CRIM1: variants seen among roughly 807,000 people sequenced by gnomAD.
The protein encoded by CRIM1 is cysteine rich transmembrane BMP regulator 1.
In CRIM1, 32 loss-of-function variants were observed where a neutral mutation model predicts 116.4. The observed-to-expected ratio is 0.27, with a 90% confidence interval of 0.21 to 0.37. The LOEUF (loss-of-function observed/expected upper bound fraction) is 0.37, where lower values mean the gene tolerates loss of function less well. Among genes scored for constraint, CRIM1 ranks in the 10% least tolerant of loss-of-function variants. CRIM1 has a pLI of 1.00. For synonymous variants in CRIM1, 590 were observed against 509.2 expected, an observed-to-expected ratio of 1.16 and a Z score of -2.13; for missense variants, 1,331 against 1,354.8, an observed-to-expected ratio of 0.98 and a Z score of 0.28.
intron 7 of CRIM1, among the ~76,000 whole-genome samples, chr2:36,488,148 AGT>A (rs1372486428): frequency 6.6e-6 from 1 of 152,216 alleles, no homozygotes. Context: ...AAATCCAGTG[AGT>A]CACTGTTAAA....
At chr2:36,497,851 A>G (rs910843789) in intron 7 of CRIM1, among the ~76,000 whole-genome samples, 1 of 152,200 alleles carries the variant, frequency 6.6e-6, no homozygotes, top group African/African-American at 2.4e-5. Flanking sequence ...CAGCAGTGGC[A>G]GCTAAAACAC....
chr2:36,406,233 G>A (rs931387479), intron 2 of CRIM1, among the ~76,000 whole-genome samples: 22 of 152,134 alleles, frequency 1.4e-4, no homozygotes, highest in Admixed American at 9.2e-4. Flanking sequence ...TAAGACAGTC[G>A]TTACAAATTA....
chr2:36,545,270 G>C (rs946751638), intron 15 of CRIM1, among the ~76,000 whole-genome samples: 5 of 152,158 alleles, frequency 3.3e-5, no homozygotes, highest in Non-Finnish European at 7.3e-5. Flanking sequence ...CGTTATGCTT[G>C]GATCAAACCA....
chr2:36,472,664 A>T (rs1678623981), intron 5 of CRIM1, among the ~76,000 whole-genome samples: 2 of 152,138 alleles, frequency 1.3e-5, no homozygotes, highest in Admixed American at 1.3e-4. Flanking sequence ...CTTCACCCAG[A>T]TGGTAGCTGT....
rs566460694 is a variant in CRIM1 at position 36,548,858 on chromosome 2, A to G, written c.*157A>G. 178 of 510,398 alleles carry G rather than the reference A, an allele frequency of 3.5e-4. 1 individual carries two copies. In the East Asian group the frequency reaches 5.3e-3, roughly 15 times the overall value. 31.6% of individuals were successfully genotyped at this position (510,398 alleles called of 1,614,324 possible). On this transcript the variant is annotated 3_prime_UTR_variant, in exon 17 of 17. Coordinates refer to ENST00000280527, the MANE Select transcript of CRIM1 (RefSeq NM_016441.3). ...ACTGGGATGGGCTCTGTCTACAGCA[A>G]TGTGCAGAACAAGCATTCCCACTTT...
intron 7 of CRIM1, among the ~76,000 whole-genome samples, chr2:36,490,813 A>G (rs1324761774): frequency 2.0e-5 from 3 of 152,102 alleles, no homozygotes; most frequent in African/African-American, 7.2e-5. Context: ...ATATCCATCC[A>G]AATTCTAGGC....
At chr2:36,535,898 A>G (rs548547441) in intron 13 of CRIM1, among the ~76,000 whole-genome samples, 2 of 152,230 alleles carry the variant, frequency 1.3e-5, no homozygotes, top group Non-Finnish European at 2.9e-5. Context: ...AGATGGCCTA[A>G]AGTATACAGG....
chr2:36,388,142 G>A (rs1388449576), intron 1 of CRIM1, among the ~76,000 whole-genome samples: 1 of 152,034 alleles, frequency 6.6e-6, no homozygotes, highest in African/African-American at 2.4e-5. Flanking sequence ...AATATATACA[G>A]AAGTAGAGAC....
chr2:36,514,559 TA>T (rs1664910469), intron 11 of CRIM1, among the ~76,000 whole-genome samples: 1 of 152,190 alleles, frequency 6.6e-6, no homozygotes, highest in Non-Finnish European at 1.5e-5. Flanking sequence ...AGTAAAATAG[TA>T]TGTCCACCAA....
intron 2 of CRIM1, among the ~76,000 whole-genome samples, chr2:36,426,079 G>A (rs1040658761): frequency 4.6e-5 from 7 of 152,190 alleles, no homozygotes; most frequent in African/African-American, 1.7e-4. Flanking sequence ...GGAGTGCAGA[G>A]GAATAACATG....
chr2:36,389,830 G>A (rs776754704), intron 1 of CRIM1, among the ~76,000 whole-genome samples: 3 of 152,138 alleles, frequency 2.0e-5, no homozygotes, highest in African/African-American at 7.2e-5. Context: ...ATGTTGAAGA[G>A]CATAGAGGTT....
chr2:36,378,762 G>C (rs1304793179), intron 1 of CRIM1: 2 of 149,794 alleles, frequency 1.3e-5, no homozygotes, highest in African/African-American at 4.9e-5. Flanking sequence ...CATCAAGCTA[G>C]AGATTAAAAT....
chr2:36,472,266 A>T (rs538847076), intron 5 of CRIM1, among the ~76,000 whole-genome samples: 1 of 151,972 alleles, frequency 6.6e-6, no homozygotes, highest in African/African-American at 2.4e-5. Flanking sequence ...TGAGATTCAC[A>T]TCTACCCCTG....
intron 2 of CRIM1, among the ~76,000 whole-genome samples, chr2:36,437,290 G>A (rs959184387): frequency 1.3e-5 from 2 of 152,060 alleles, no homozygotes; most frequent in Non-Finnish European, 2.9e-5. Context: ...CAGGAGAATG[G>A]CGTGAACCGG....
At position 36,464,652 on chromosome 2, in the gene CRIM1, A is replaced by C. The variant is rs1295102561; in HGVS notation, c.988A>C (p.Asn330His). The change falls in exon 5 of 17, where the codon AAT (asparagine) becomes CAT (histidine). Residue 330 changes from asparagine (N) to histidine (H), a missense_variant. Physicochemically the swap from Asn to His is moderately conservative, Grantham distance 68 (BLOSUM62 1). This residue lies in a region of CRIM1 where 690 missense variants were observed against 676.0 expected (regional missense o/e 1.02). Coordinates refer to ENST00000280527, the MANE Select transcript of CRIM1 (RefSeq NM_016441.3). ...GTGCTGTGATGTCTTTGAATGTGTT[A>C]ATGGTACGTGGGGTTTCTCTTGTTC... ...GKCCDVFECV[N>H]DTKPACVFNN... is the part of the protein sequence containing the mutation. 2.4e-5 allele frequency: 38 copies of C among 1,614,068 alleles called. No homozygotes were observed. Among genetic ancestry groups the C allele is most frequent in the Non-Finnish European group, 3.2e-5 (38 of 1,179,984 alleles).
chr2:36,498,506 G>A (rs757498059), intron 7 of CRIM1, among the ~76,000 whole-genome samples: 9 of 152,108 alleles, frequency 5.9e-5, no homozygotes, highest in Non-Finnish European at 1.2e-4. Context: ...TGTAGTTACC[G>A]TTATTACCCA....
At chr2:36,480,365 T>G (rs1458142675) in intron 7 of CRIM1, among the ~76,000 whole-genome samples, 4 of 152,232 alleles carry the variant, frequency 2.6e-5, no homozygotes, top group Admixed American at 2.0e-4. Context: ...CAGTCTTTAA[T>G]CTTGTGTCCA....
intron 4 of CRIM1, among the ~76,000 whole-genome samples, chr2:36,460,456 A>C (rs1677490906): frequency 6.6e-6 from 1 of 152,238 alleles, no homozygotes; most frequent in South Asian, 2.1e-4. Context: ...GAAATTAGGT[A>C]CTAGTGATGG....
At chr2:36,529,135 T>C (rs1392615803) in intron 13 of CRIM1, 1 of 471,312 alleles carries the variant, frequency 2.1e-6, no homozygotes, top group East Asian at 7.0e-5. Flanking sequence ...TATCTGCCTT[T>C]CTCTTATTTT....
Sources: gnomAD v4.1 joint callset for allele counts (sites outside exome capture counted in the v4.1 genomes callset) on GRCh38, gnomAD v4.1.1 for gene constraint, gnomAD v4.1.1 regional missense constraint, MANE v1.5 for transcripts, NCBI Gene and HGNC (gene_info 2026-07-23, HGNC 2026-07-21) for gene names.